The following NXPH1 variants were observed in gnomAD, a reference collection of about 807,000 sequenced individuals.
NXPH1 encodes the protein neurexophilin-1.
In NXPH1, 5 loss-of-function variants were observed where a neutral mutation model predicts 23.7. That is an observed-to-expected ratio of 0.21 (90% CI 0.11 to 0.44). The LOEUF is 0.44. Among genes scored for constraint, NXPH1 ranks in the 20% least tolerant of loss-of-function variants. The probability of loss-of-function intolerance (pLI) is 0.99; values close to 1 mark genes in which losing one functional copy is unlikely to be tolerated. For synonymous variants in NXPH1, 144 were observed against 122.2 expected, an observed-to-expected ratio of 1.18 and a Z score of -1.18; for missense variants, 324 against 321.6, an observed-to-expected ratio of 1.01 and a Z score of -0.06.
intron 2 of NXPH1, among the ~76,000 whole-genome samples, chr7:8,732,585 A>T (rs192770951): frequency 1.6e-3 from 239 of 152,354 alleles, no homozygotes; most frequent in South Asian, 3.5e-3. Flanking sequence ...GGTAATACAA[A>T]AGTGATTCTG....
In NXPH1 at chr7:8,741,092, C is replaced by T. The variant is rs572126295; in HGVS notation, c.55-9916C>T. 1.3e-5 allele frequency among the ~76,000 whole-genome samples: 2 copies of T among 152,248 alleles called. 1 individual carries two copies. Among genetic ancestry groups the T allele is most frequent in the South Asian group, 4.1e-4 (2 of 4,828 alleles). ...CCTCTGGCAAATACCAGTCTACTTC[C>T]TGTTTCTGAGTTCCACTTATTTGGA... On this transcript the variant is annotated intron_variant, in intron 2 of 2. Transcript: ENST00000405863.
chr7:8,510,356 A>T (rs1817592092), intron 2 of NXPH1, among the ~76,000 whole-genome samples: 2 of 152,142 alleles, frequency 1.3e-5, no homozygotes, highest in Non-Finnish European at 2.9e-5. Context: ...TATAATTTTC[A>T]CAACTACCTT....
intron 2 of NXPH1, among the ~76,000 whole-genome samples, chr7:8,607,423 T>A (rs979882336): frequency 2.0e-4 from 30 of 152,142 alleles, no homozygotes; most frequent in Admixed American, 1.5e-3. Flanking sequence ...GTCAATAAAT[T>A]CCTGTTTCCA....
At position 8,751,548 on chromosome 7, in the gene NXPH1, G is replaced by C. The variant is rs1022012930; in HGVS notation, c.595G>C (p.Glu199Gln). The change falls in exon 3 of 3, where the codon GAA becomes CAA. Residue 199 changes from glutamate to glutamine, a missense_variant. Coordinates refer to ENST00000405863, the MANE Select transcript of NXPH1 (RefSeq NM_152745.3). This position sits in a 1 kb window ranked among gnomAD's most constrained non-coding sequence, Gnocchi z 4.5. ...SKSFNCRIEYEKVDKATKNTL... is the reference protein window; with the variant it reads ...SKSFNCRIEYQKVDKATKNTL... ...GTCTTTTAATTGTCGCATTGAATAT[G>C]AAAAGGTTGACAAGGCTACCAAGAA... The C allele has an allele frequency of 3.7e-6, 6 of 1,613,438 alleles. No individual in the cohort carries two copies. The highest frequency in any genetic ancestry group is 5.1e-6 in the Non-Finnish European group (6 of 1,179,676).
chr7:8,725,610 A>G (rs963075355), intron 2 of NXPH1, among the ~76,000 whole-genome samples: 2 of 152,178 alleles, frequency 1.3e-5, no homozygotes, highest in Non-Finnish European at 1.5e-5. Flanking sequence ...AATGTAAAAA[A>G]TTCTTGAAGG....
At chr7:8,640,994 A>C (rs1820299260) in intron 2 of NXPH1, among the ~76,000 whole-genome samples, 1 of 152,100 alleles carries the variant, frequency 6.6e-6, no homozygotes, top group South Asian at 2.1e-4. Flanking sequence ...AAAAAGTGTT[A>C]TTTATATTAG....
rs1816177866 is a variant in NXPH1, at chr7:8,435,538, C to T, written c.-110-66C>T. ...CACTCCCCGCTACGACCCCCTTTCC[C>T]CGCTTGATTGTCAAGCCTAACCTTG... On this transcript the variant is annotated intron_variant, in intron 1 of 2. Coordinates refer to ENST00000405863, the MANE Select transcript of NXPH1 (RefSeq NM_152745.3). The surrounding 1 kb of genome is among the most constrained non-coding windows in gnomAD (Gnocchi z 5.9). The T allele has an allele frequency of 8.3e-6, 5 of 602,274 alleles. No individual in the cohort carries two copies. The highest frequency in any genetic ancestry group is 1.2e-5 in the Non-Finnish European group (4 of 332,994). The allele number at this position is 602,274 out of a possible 1,614,324, so 37.3% of individuals were successfully genotyped here. A position where few individuals can be genotyped will look rare whatever the true frequency, so the allele number is the denominator to read the frequency against.
In NXPH1 at chr7:8,751,028, G is replaced by A. The variant is rs371803371; in HGVS notation, c.75G>A (p.Thr25=). The change falls in exon 3 of 3, where the codon ACG becomes ACA. Residue 25 remains threonine, a synonymous_variant. Coordinates refer to ENST00000405863, the MANE Select transcript of NXPH1 (RefSeq NM_152745.3). The surrounding 1 kb of genome is among the most constrained non-coding windows in gnomAD (Gnocchi z 4.5). ...TTCAGGTCACATGTGCCAATTTAACGAACGGTGGAAAGTCAGAACTTCTGA... is the reference window on the plus strand; with the variant it reads ...TTCAGGTCACATGTGCCAATTTAACAAACGGTGGAAAGTCAGAACTTCTGA... ...TVYLVTCANL[T]NGGKSELLKS... The A allele has an allele frequency of 5.3e-5, 85 of 1,613,384 alleles. No homozygotes were observed. The Admixed American group carries it at 5.7e-4, about 11-fold the overall frequency.
intron 2 of NXPH1, among the ~76,000 whole-genome samples, chr7:8,740,039 TA>T (rs1409028306): frequency 6.6e-6 from 1 of 152,240 alleles, no homozygotes; most frequent in Non-Finnish European, 1.5e-5. Context: ...AGAATTATGC[TA>T]ATTCCCACTT....
chr7:8,460,516 C>G (rs1816674460), intron 2 of NXPH1, among the ~76,000 whole-genome samples: 2 of 152,146 alleles, frequency 1.3e-5, no homozygotes, highest in Admixed American at 1.3e-4. Context: ...TTTCCTGAAG[C>G]AGGTTTGTTT....
intron 2 of NXPH1, among the ~76,000 whole-genome samples, chr7:8,616,134 T>G (rs921279714): frequency 4.6e-5 from 7 of 152,054 alleles, no homozygotes; most frequent in African/African-American, 1.7e-4. Flanking sequence ...CCTATGTGAT[T>G]GGTCTCCTGC....
rs749052363 is a variant in NXPH1, at chr7:8,702,711, C to T, written c.55-48297C>T. On this transcript the variant is annotated intron_variant, in intron 2 of 2. Coordinates refer to ENST00000405863, the MANE Select transcript of NXPH1 (RefSeq NM_152745.3). ...TAAAGTGCTTTCACCTACATTATGC[C>T]TCCTGCTAGGAAGGCATAGGTGGTA... 2.0e-3 allele frequency among the ~76,000 whole-genome samples: 301 copies of T among 152,168 alleles called. 2 individuals carry two copies. The Middle Eastern group carries it at 0.02, about 10-fold the overall frequency.
chr7:8,741,477 C>T (rs538044607), intron 2 of NXPH1, among the ~76,000 whole-genome samples: 2 of 152,146 alleles, frequency 1.3e-5, no homozygotes, highest in East Asian at 3.9e-4. Context: ...GAGGAATCTC[C>T]AGATTGTTTT....
chr7:8,598,790 G>C (rs140273969), intron 2 of NXPH1, among the ~76,000 whole-genome samples: 2 of 152,232 alleles, frequency 1.3e-5, no homozygotes, highest in East Asian at 3.9e-4. Flanking sequence ...TCTTGAAATA[G>C]ATCATGTTTC....
chr7:8,556,899 T>C (rs6463820), intron 2 of NXPH1, among the ~76,000 whole-genome samples: 151,270 of 151,780 alleles, frequency 1, 75,382 homozygotes, highest in East Asian at 1. Flanking sequence ...TCACAACTTA[T>C]GGGTCAGACA....
intron 2 of NXPH1, among the ~76,000 whole-genome samples, chr7:8,730,477 A>G (rs1203749454): frequency 6.6e-6 from 1 of 151,962 alleles, no homozygotes; most frequent in Non-Finnish European, 1.5e-5. Context: ...AGCAGCTGGT[A>G]CCGGTTGTTC....
intron 2 of NXPH1, among the ~76,000 whole-genome samples, chr7:8,446,029 A>G (rs1211353096): frequency 1.3e-5 from 2 of 152,260 alleles, no homozygotes; most frequent in African/African-American, 4.8e-5. Flanking sequence ...CCATAGGTAT[A>G]TAAAACAGCT....
rs140248433 is a variant in NXPH1, at chr7:8,705,384, T to A, written c.55-45624T>A. ...TGAAGTGAAAGTTTTTCTGGCAGGA[T>A]GGGACATGGGTAAACTTCTGGAACT... On this transcript the variant is annotated intron_variant, in intron 2 of 2. Coordinates refer to ENST00000405863, the MANE Select transcript of NXPH1 (RefSeq NM_152745.3). Among the ~76,000 whole-genome samples, 739 of 152,292 alleles carry A rather than the reference T, an allele frequency of 4.9e-3. 7 individuals are homozygous for A. The highest frequency in any genetic ancestry group is 0.017 in the African/African-American group (697 of 41,558).
chr7:8,672,205 T>A (rs1458845065), intron 2 of NXPH1, among the ~76,000 whole-genome samples: 1 of 152,176 alleles, frequency 6.6e-6, no homozygotes, highest in African/African-American at 2.4e-5. Context: ...GAAACCATCA[T>A]TCTCAGCAAA....
Sources: allele counts gnomAD v4.1 joint callset (sites outside exome capture counted in the v4.1 genomes callset), GRCh38; gene constraint gnomAD v4.1.1; non-coding constraint Gnocchi (gnomAD v3.1); transcripts MANE v1.5; gene names NCBI Gene and HGNC (gene_info 2026-07-23, HGNC 2026-07-21).